The following PPM1L variants were observed in gnomAD, a reference collection of about 807,000 sequenced individuals.
The protein encoded by PPM1L is protein phosphatase, Mg2+/Mn2+ dependent 1L, also known as protein phosphatase 1L.
Under a neutral mutation model 31.4 loss-of-function variants are expected in PPM1L, and 13 were observed. The observed-to-expected ratio is 0.41, with a 90% CI of 0.27 to 0.66. PPM1L has a LOEUF of 0.66. Ranked by LOEUF, PPM1L falls within the 30% of genes least tolerant of loss-of-function variation. The probability of loss-of-function intolerance (pLI) is 0.29; values close to 1 mark genes in which losing one functional copy is unlikely to be tolerated. For synonymous variants in PPM1L, 184 were observed against 175.4 expected (o/e 1.05, Z -0.39); for missense variants, 326 against 453.7 (o/e 0.72, Z 2.56).
At chr3:160,808,289 C>CTGTGTGTGTGTGTGTG (rs10545216) in intron 1 of PPM1L, among the ~76,000 whole-genome samples, 1 of 136,128 alleles carries the variant, frequency 7.3e-6, no homozygotes, top group African/African-American at 3.0e-5. Context: ...GGATTTTCCT[C>CTGTGTGTGTGTGTGTG]TGTGTGTGTG....
Position 160,756,717 on chromosome 3 carries a change from A to G in PPM1L, c.399+10A>G. ...CGGGCACGGGGGAGAGGTAGGAGCT[A>G]CCCCGGGGCTTTGTATTTGTGTCCG... On this transcript the variant is annotated intron_variant, in intron 1 of 3. Transcript: ENST00000498165. The surrounding 1 kb of genome is among the most constrained non-coding windows in gnomAD (Gnocchi z 6.2). 6.3e-7 allele frequency: 1 copy of G among 1,597,864 alleles called. No individual in the cohort carries two copies. The highest frequency in any genetic ancestry group is 8.5e-7 in the Non-Finnish European group (1 of 1,171,498).
intron 1 of PPM1L, among the ~76,000 whole-genome samples, chr3:160,824,439 G>T (rs1422449645): frequency 6.6e-6 from 1 of 152,152 alleles, no homozygotes; most frequent in East Asian, 1.9e-4. Flanking sequence ...ATGGTATTTT[G>T]AATACATGTT....
At chr3:161,051,264 C>T (rs368973949) in intron 2 of PPM1L, among the ~76,000 whole-genome samples, 18 of 152,124 alleles carry the variant, frequency 1.2e-4, no homozygotes, top group Middle Eastern at 3.4e-3. Flanking sequence ...AAGTGCCTTG[C>T]GGGTAAGGAC....
chr3:160,973,778 T>TG, intron 2 of PPM1L, among the ~76,000 whole-genome samples: 1 of 47,870 alleles, frequency 2.1e-5, no homozygotes, highest in Non-Finnish European at 3.8e-5. Context: ...TTTTTTTTTT[T>TG]TTTTTTTTTT....
At chr3:160,764,460 C>CCTCT (rs58217473) in intron 1 of PPM1L, among the ~76,000 whole-genome samples, 1 of 147,810 alleles carries the variant, frequency 6.8e-6, no homozygotes, top group Non-Finnish European at 1.5e-5. Flanking sequence ...TTTAATTCTC[C>CCTCT]CTCTCTCTCT....
chr3:160,882,179 T>C (rs1712745075), intron 1 of PPM1L: 1 of 152,230 alleles, frequency 6.6e-6, no homozygotes, highest in Non-Finnish European at 1.5e-5. Flanking sequence ...CCAAGATTCA[T>C]GAATAACGCT....
chr3:160,963,621 C>G (rs1485611088), intron 2 of PPM1L, among the ~76,000 whole-genome samples: 2 of 151,872 alleles, frequency 1.3e-5, no homozygotes, highest in African/African-American at 4.8e-5. Context: ...TATTTTAAAC[C>G]TTGAAGGACA....
At chr3:160,836,383 G>A (rs1713717318) in intron 1 of PPM1L, among the ~76,000 whole-genome samples, 1 of 152,140 alleles carries the variant, frequency 6.6e-6, no homozygotes. Flanking sequence ...TGTGAATAGT[G>A]GGCAGGGGAC....
At chr3:161,016,273 A>G (rs114220953) in intron 2 of PPM1L, among the ~76,000 whole-genome samples, 45 of 152,330 alleles carry the variant, frequency 3.0e-4, no homozygotes, top group Non-Finnish European at 3.1e-4. Context: ...ATCTCCATCT[A>G]CATCAAACAT....
At chr3:160,884,352 G>A (rs1235417826) in intron 1 of PPM1L, among the ~76,000 whole-genome samples, 1 of 152,156 alleles carries the variant, frequency 6.6e-6, no homozygotes, top group African/African-American at 2.4e-5. Flanking sequence ...TGTTAGTGGA[G>A]AGTGCATTCC....
At chr3:160,932,511 T>C (rs1486052225) in intron 1 of PPM1L, among the ~76,000 whole-genome samples, 3 of 152,198 alleles carry the variant, frequency 2.0e-5, no homozygotes, top group African/African-American at 7.2e-5. Flanking sequence ...TTCTCAGAAT[T>C]GTTGGGGAAA....
At chr3:160,967,120 C>G (rs1472379884) in intron 2 of PPM1L, among the ~76,000 whole-genome samples, 2 of 151,850 alleles carry the variant, frequency 1.3e-5, no homozygotes, top group South Asian at 4.1e-4. Flanking sequence ...CACACAAGAT[C>G]TGATGGTTTT....
intron 1 of PPM1L, among the ~76,000 whole-genome samples, chr3:160,814,601 A>G (rs369072689): frequency 3.6e-4 from 46 of 128,410 alleles, no homozygotes; most frequent in East Asian, 6.1e-4. Context: ...ATATGTATGT[A>G]TGTGTATATA....
chr3:160,901,673 A>T (rs1713546772), intron 1 of PPM1L, among the ~76,000 whole-genome samples: 1 of 152,204 alleles, frequency 6.6e-6, no homozygotes. Context: ...AATATGCCTC[A>T]TATGATGTAG....
intron 2 of PPM1L, among the ~76,000 whole-genome samples, chr3:161,014,396 A>G (rs1309470930): frequency 6.6e-6 from 1 of 151,846 alleles, no homozygotes; most frequent in Non-Finnish European, 1.5e-5. Flanking sequence ...TTGTTTTTAT[A>G]TCTCTATTCT....
chr3:160,790,330 C>G (rs1712066585), intron 1 of PPM1L, among the ~76,000 whole-genome samples: 1 of 152,068 alleles, frequency 6.6e-6, no homozygotes, highest in Admixed American at 6.6e-5. Context: ...CTTGTTCCTC[C>G]ATAGCACCTT....
chr3:160,935,840 G>C (rs1188943109), intron 1 of PPM1L, among the ~76,000 whole-genome samples: 2 of 152,214 alleles, frequency 1.3e-5, no homozygotes, highest in Non-Finnish European at 2.9e-5. Context: ...TTGTAGTCTT[G>C]TAGAAAAATC....
chr3:161,014,897 G>T (rs1162127640), intron 2 of PPM1L, among the ~76,000 whole-genome samples: 3 of 152,180 alleles, frequency 2.0e-5, no homozygotes, highest in African/African-American at 7.2e-5. Flanking sequence ...CCAAGCAACT[G>T]AAATCCACCA....
chr3:160,812,441 A>G (rs1712841020), intron 1 of PPM1L, among the ~76,000 whole-genome samples: 1 of 152,204 alleles, frequency 6.6e-6, no homozygotes, highest in African/African-American at 2.4e-5. Flanking sequence ...GAAGCATTGC[A>G]TTCTGGGCTG....
Sources: gnomAD v4.1 joint callset for allele counts (sites outside exome capture counted in the v4.1 genomes callset) on GRCh38, gnomAD v4.1.1 for gene constraint, Gnocchi (gnomAD v3.1) non-coding constraint, MANE v1.5 for transcripts, NCBI Gene and HGNC (gene_info 2026-07-23, HGNC 2026-07-21) for gene names.